Variants in NTRK1 observed in about 807,000 individuals in gnomAD.
NTRK1 encodes the protein neurotrophic receptor tyrosine kinase 1, also known as high affinity nerve growth factor receptor.
In NTRK1, 62 loss-of-function variants were observed where a neutral mutation model predicts 86.8. The observed-to-expected ratio is 0.71, with a 90% CI of 0.58 to 0.88. The LOEUF is 0.88. NTRK1 is among the 40% of genes least tolerant of loss of function. The pLI, the probability that NTRK1 is intolerant of heterozygous loss-of-function variation, is 0.00. For missense variants in NTRK1, 967 were observed against 1,078.4 expected (o/e 0.90, Z 1.45); for synonymous variants, 469 against 456.6 (o/e 1.03, Z -0.35).
In NTRK1 at chr1:156,846,149, GGT is replaced by G. The variant is rs1655000031; in HGVS notation, c.50+3960_50+3961del. On this transcript the variant is annotated intron_variant, in intron 2 of 16. Transcript: ENST00000392302. The stretch of plus-strand genomic sequence containing the variant: ...GAGTGCGAGAAGGATGCAACTCAGG[GGT>G]GTGGGTCTTCCTCCTGAATACTATC... The G allele has an allele frequency of 6.5e-6, 10 of 1,548,256 alleles. No individual in the cohort carries two copies. In the Admixed American group the frequency reaches 7.7e-5, roughly 12 times the overall value.
intron 1 of NTRK1, among the ~76,000 whole-genome samples, chr1:156,832,275 A>G (rs1414738743): frequency 6.6e-6 from 1 of 152,184 alleles, no homozygotes; most frequent in Non-Finnish European, 1.5e-5. Flanking sequence ...GAAGCCTAGA[A>G]TGTGCTGGAG....
At chr1:156,835,004 G>A (rs59521652) in intron 1 of NTRK1, among the ~76,000 whole-genome samples, 28,355 of 152,062 alleles carry the variant, frequency 0.19, 4,925 homozygotes, top group African/African-American at 0.46. Flanking sequence ...TGAGAAATGG[G>A]AGGGTGTGGG....
At chr1:156,822,609 G>GAAA (rs35686944) in intron 1 of NTRK1, among the ~76,000 whole-genome samples, 6 of 81,288 alleles carry the variant, frequency 7.4e-5, no homozygotes, top group African/African-American at 1.9e-4. Flanking sequence ...TAAAAGATTA[G>GAAA]AAAAAAAAAA....
intron 1 of NTRK1, chr1:156,815,913 G>A: frequency 1.2e-6 from 2 of 1,611,314 alleles, no homozygotes; most frequent in East Asian, 4.5e-5. Flanking sequence ...CCTTCTCTTG[G>A]AGTGGCCTTT....
chr1:156,816,793 C>A, intron 1 of NTRK1: 1 of 1,290,288 alleles, frequency 7.8e-7, no homozygotes. Flanking sequence ...CATCATCTCT[C>A]CTCTCACCCT....
chr1:156,819,679 C>G lies in NTRK1; in HGVS notation c.-64+3841C>G, dbSNP rs181415219. On this transcript the variant is annotated intron_variant, in intron 1 of 16. Transcript: ENST00000392302. ...GGATTACAGGCATGCGCCACCATGC[C>G]TGGCTAATTTTGTATTTTTAGTAGA... Among the ~76,000 whole-genome samples the G allele has an allele frequency of 2.2e-3, 339 of 151,904 alleles. 1 individual carries two copies. The highest frequency in any genetic ancestry group is 7.9e-3 in the African/African-American group (328 of 41,410).
In NTRK1 at chr1:156,879,124, CCCATGGA is replaced by C; in HGVS notation, c.1811_1817del (p.His604LeufsTer52). 1 of 1,613,804 alleles carries C rather than the reference CCCATGGA, an allele frequency of 6.2e-7. No homozygotes were observed. The highest frequency in any genetic ancestry group is 8.5e-7 in the Non-Finnish European group (1 of 1,179,926). On this transcript the variant is annotated frameshift_variant, in exon 15 of 17. Transcript: ENST00000524377. LOFTEE classifies it high-confidence loss of function. ...CCCTCTCCTTTTCTTGTTCACAGAT[CCCATGGA>C]CCTGATGCCAAGCTGCTGGCTGGTG...
chr1:156,830,646 T>A (rs1558077606), intron 1 of NTRK1, among the ~76,000 whole-genome samples: 1 of 146,428 alleles, frequency 6.8e-6, no homozygotes, highest in Non-Finnish European at 1.5e-5. Context: ...AACCTCCGCC[T>A]CCAGTTCAAG....
At chr1:156,831,845 G>C (rs912716177) in intron 1 of NTRK1, among the ~76,000 whole-genome samples, 1 of 152,214 alleles carries the variant, frequency 6.6e-6, no homozygotes, top group African/African-American at 2.4e-5. Flanking sequence ...GGAGATTGAA[G>C]GGTTTCCCTC....
At position 156,851,921 on chromosome 1, in the gene NTRK1, T is replaced by G. The variant is rs760703268; in HGVS notation, c.50+9728T>G. The G allele has an allele frequency of 2.3e-5, 37 of 1,596,328 alleles. 1 individual carries two copies. The highest frequency in any genetic ancestry group is 3.1e-5 in the Non-Finnish European group (36 of 1,167,358). The stretch of plus-strand genomic sequence containing the variant: ...ATTACGGGTGAAGCCAGAAGGGCAC[T>G]GGGCCAGGCAACTGCCCTGGTGTAT... On this transcript the variant is annotated intron_variant, in intron 2 of 16. Coordinates refer to the NTRK1 transcript ENST00000392302.
intron 1 of NTRK1, among the ~76,000 whole-genome samples, chr1:156,830,053 T>C (rs1279179648): frequency 6.6e-6 from 1 of 152,242 alleles, no homozygotes; most frequent in East Asian, 1.9e-4. Flanking sequence ...AAGCCCGCTG[T>C]CTAAGCATTG....
chr1:156,873,413 A>G (rs1328491484), intron 7 of NTRK1, among the ~76,000 whole-genome samples: 2 of 152,132 alleles, frequency 1.3e-5, no homozygotes, highest in Non-Finnish European at 2.9e-5. Context: ...TTAAGCCTCT[A>G]AATTTTATAT....
At chr1:156,853,655 A>G in intron 2 of NTRK1, 1 of 1,186,536 alleles carries the variant, frequency 8.4e-7, no homozygotes. Context: ...AAACAGTGGC[A>G]GCTGAAAGTA....
chr1:156,864,856 G>A (rs1282088337), intron 3 of NTRK1, 57 bp downstream of exon 3: 3 of 1,540,020 alleles, frequency 1.9e-6, no homozygotes, highest in South Asian at 1.2e-5. Flanking sequence ...GACTTGGGCT[G>A]CTAATGGGCT....
At chr1:156,832,593 G>A (rs74118773) in intron 1 of NTRK1, among the ~76,000 whole-genome samples, 1,923 of 152,170 alleles carry the variant, frequency 0.013, 37 homozygotes, top group African/African-American at 0.044. Flanking sequence ...AGTGAATGAG[G>A]GCATGCAGGC....
chr1:156,841,913 A>C, intron 1 of NTRK1: 1 of 1,575,778 alleles, frequency 6.3e-7, no homozygotes, highest in Non-Finnish European at 8.7e-7. Flanking sequence ...AACCCTGGAA[A>C]GTAGGGGCTC....
At chr1:156,841,022 C>G (rs1654759304) in intron 1 of NTRK1, 2 of 1,606,642 alleles carry the variant, frequency 1.2e-6, no homozygotes. Flanking sequence ...GGCCGCAGCT[C>G]CTCCTGTATG....
At chr1:156,846,561 C>T (rs746046983) in intron 2 of NTRK1, 86 of 1,614,072 alleles carry the variant, frequency 5.3e-5, no homozygotes, top group Non-Finnish European at 6.8e-5. Flanking sequence ...CTCTGGGCTC[C>T]TTGATGAGGG....
intron 1 of NTRK1, chr1:156,840,713 T>C (rs1654741372): frequency 1.6e-6 from 1 of 642,564 alleles, no homozygotes; most frequent in Non-Finnish European, 2.8e-6. Flanking sequence ...GAGACCCCTC[T>C]GCCCACCCCC....
Sources: gnomAD v4.1 joint callset for allele counts (sites outside exome capture counted in the v4.1 genomes callset) on GRCh38, gnomAD v4.1.1 for gene constraint, MANE v1.5 for transcripts, NCBI Gene and HGNC (gene_info 2026-07-23, HGNC 2026-07-21) for gene names.